The following TEF variants were observed in gnomAD, a reference collection of about 807,000 sequenced individuals.
TEF encodes the protein thyrotroph embryonic factor.
A neutral mutation model predicts 20.8 loss-of-function variants in TEF; 3 were observed. The observed-to-expected ratio is 0.14, with a 90% confidence interval of 0.07 to 0.37. TEF has a LOEUF of 0.37. Among genes scored for constraint, TEF ranks in the 10% least tolerant of loss-of-function variants. The pLI is 1.00. For missense variants in TEF, 296 were observed against 397.9 expected (o/e 0.74, Z 2.18); for synonymous variants, 180 against 171.1 (o/e 1.05, Z -0.41).
At chr22:41,379,423 C>T (rs1312082715), upstream of TEF, among the ~76,000 whole-genome samples, 1 of 152,170 alleles carries the variant, frequency 6.6e-6, no homozygotes, top group Non-Finnish European at 1.5e-5. Context: ...AGGAGAATCG[C>T]TTGAACTCAG....
Position 41,394,211 on chromosome 22 carries a change from C to A in TEF, c.591C>A (p.Gly197=), listed in dbSNP as rs770394009. 6.2e-7 allele frequency: 1 copy of A among 1,613,992 alleles called. No homozygotes were observed. Among genetic ancestry groups the A allele is most frequent in the African/African-American group, 1.3e-5 (1 of 74,890 alleles). ...ACCTGGTGCTCTCCAGTGTGCCAGG[C>A]GGGGAGCTCTTCAACCCTCGGAAGC... is the stretch of plus-strand genomic sequence containing the variant. The part of the protein sequence containing the change: ...PADLVLSSVP[G]GELFNPRKHK... The change falls in exon 3 of 4, where the codon GGC becomes GGA. Residue 197 remains glycine (G), a synonymous_variant. Coordinates refer to ENST00000266304, the MANE Select transcript of TEF (RefSeq NM_003216.4).
At chr22:41,378,874 TACAAC>T (rs1271918352), upstream of TEF, among the ~76,000 whole-genome samples, 1 of 152,258 alleles carries the variant, frequency 6.6e-6, no homozygotes, top group African/African-American at 2.4e-5. Context: ...CTAACAATTC[TACAAC>T]ACAACAAATT....
intron 2 of TEF, among the ~76,000 whole-genome samples, chr22:41,390,106 G>T (rs566210626): frequency 2.8e-4 from 42 of 152,174 alleles, no homozygotes; most frequent in African/African-American, 9.6e-4. Flanking sequence ...GGCCAGGTTG[G>T]TCTCAAACTC....
At chr22:41,381,018 T>A (rs1452777643), upstream of TEF, among the ~76,000 whole-genome samples, 9 of 152,232 alleles carry the variant, frequency 5.9e-5, no homozygotes, top group Admixed American at 4.6e-4. Context: ...CATAAGCTAG[T>A]AAGTGGGAGG....
At chr22:41,393,233 C>T (rs1243526198) in intron 2 of TEF, among the ~76,000 whole-genome samples, 1 of 151,240 alleles carries the variant, frequency 6.6e-6, no homozygotes, top group Non-Finnish European at 1.5e-5. Context: ...CCCAGCTACT[C>T]AGGAGGCTGA....
At chr22:41,368,073 G>A (rs761279820) in intron 1 of TEF, among the ~76,000 whole-genome samples, 28 of 152,082 alleles carry the variant, frequency 1.8e-4, no homozygotes, top group Non-Finnish European at 3.7e-4. Context: ...GGATGGGATG[G>A]AAACTGTTAT....
At chr22:41,375,011 G>A (rs1362612364) in intron 1 of TEF, among the ~76,000 whole-genome samples, 1 of 152,168 alleles carries the variant, frequency 6.6e-6, no homozygotes, top group Non-Finnish European at 1.5e-5. Context: ...TCAGCCCCAG[G>A]GGGTCTGGCT....
At chr22:41,394,536 C>T (rs1301095131) in intron 3 of TEF, among the ~76,000 whole-genome samples, 1 of 152,208 alleles carries the variant, frequency 6.6e-6, no homozygotes, top group Admixed American at 6.5e-5. Context: ...TAGTTTCTCT[C>T]CTTCCCCGGG....
intron 1 of TEF, among the ~76,000 whole-genome samples, chr22:41,382,417 G>A (rs949811738): frequency 3.3e-5 from 5 of 152,036 alleles, no homozygotes; most frequent in Admixed American, 3.3e-4. Context: ...GGGAGAGGGT[G>A]GGGAGAGGTT....
chr22:41,377,641 A>C (rs2036960045), upstream of TEF, among the ~76,000 whole-genome samples: 1 of 152,242 alleles, frequency 6.6e-6, no homozygotes. Flanking sequence ...TCCCACCTCC[A>C]GGATGGCACT....
At chr22:41,382,844 A>G (rs1390766565) in intron 1 of TEF, 4 of 467,252 alleles carry the variant, frequency 8.6e-6, no homozygotes, top group Non-Finnish European at 1.8e-5. Context: ...CCAAGCAGAG[A>G]AACGATGAGG....
At chr22:41,367,720 C>T in intron 1 of TEF, 6 of 958,652 alleles carry the variant, frequency 6.3e-6, no homozygotes, top group Middle Eastern at 2.8e-4. Flanking sequence ...AGCAGTGGTG[C>T]GCCCTTGGTC....
At chr22:41,373,154 C>A (rs1257349999) in intron 1 of TEF, among the ~76,000 whole-genome samples, 1 of 152,176 alleles carries the variant, frequency 6.6e-6, no homozygotes, top group Non-Finnish European at 1.5e-5. Flanking sequence ...GCAGGAATTA[C>A]AGTAGAGTTA....
chr22:41,388,464 G>A lies in TEF; in HGVS notation c.475+796G>A, dbSNP rs183853279. Among the ~76,000 whole-genome samples the A allele has an allele frequency of 1.5e-3, 225 of 151,566 alleles. 1 individual carries two copies. The highest frequency in any genetic ancestry group is 3.5e-4 in the Non-Finnish European group (24 of 67,906). On this transcript the variant is annotated intron_variant, in intron 2 of 3. Coordinates refer to ENST00000266304, the MANE Select transcript of TEF (RefSeq NM_003216.4). The stretch of plus-strand genomic sequence containing the variant: ...CTTGAACTCCTGACCTCAGGTGATC[G>A]ACCTACGTTGGCCTCCCAAAGTGGG...
intron 2 of TEF, among the ~76,000 whole-genome samples, chr22:41,390,940 C>T (rs2037157805): frequency 6.6e-6 from 1 of 152,122 alleles, no homozygotes; most frequent in African/African-American, 2.4e-5. Flanking sequence ...TTAACCACAT[C>T]TTGCCACTTG....
upstream of TEF, chr22:41,381,819 C>G (rs948927548): frequency 3.1e-5 from 36 of 1,157,602 alleles, 1 homozygote; most frequent in South Asian, 1.3e-3. Flanking sequence ...CTCTCGCAGG[C>G]TGGACCAATC....
At chr22:41,390,271 A>G (rs990413979) in intron 2 of TEF, among the ~76,000 whole-genome samples, 1 of 152,138 alleles carries the variant, frequency 6.6e-6, no homozygotes. Context: ...GTCATTGGAC[A>G]TGCATATGTT....
chr22:41,387,521 A>G lies in TEF; in HGVS notation c.328A>G (p.Ile110Val). 6.2e-7 allele frequency: 1 copy of G among 1,614,082 alleles called. No homozygotes were observed. Among genetic ancestry groups the G allele is most frequent in the Non-Finnish European group, 8.5e-7 (1 of 1,179,994 alleles). ...DLDEFLLENGIPASPTHLAHN... is the reference protein window; with the variant it reads ...DLDEFLLENGVPASPTHLAHN... ...GGATGAGTTCCTGCTGGAGAATGGCATCCCCGCCAGCCCCACCCACCTGGC... is the reference window on the plus strand; with the variant it reads ...GGATGAGTTCCTGCTGGAGAATGGCGTCCCCGCCAGCCCCACCCACCTGGC... The change falls in exon 2 of 4, where the codon ATC becomes GTC. Residue 110 changes from isoleucine to valine, a missense_variant. By Grantham distance (29) the Ile-to-Val change is conservative. Transcript: ENST00000266304.
At chr22:41,394,921 A>G (rs2037209148) in intron 3 of TEF, among the ~76,000 whole-genome samples, 1 of 152,180 alleles carries the variant, frequency 6.6e-6, no homozygotes, top group African/African-American at 2.4e-5. Context: ...GAGGTTTGTG[A>G]GACTTTAATA....
Sources: gnomAD v4.1 joint callset for allele counts (sites outside exome capture counted in the v4.1 genomes callset) on GRCh38, gnomAD v4.1.1 for gene constraint, MANE v1.5 for transcripts, NCBI Gene and HGNC (gene_info 2026-07-23, HGNC 2026-07-21) for gene names.